The following XPNPEP3 variants were observed in gnomAD, a reference collection of about 807,000 sequenced individuals.
XPNPEP3 encodes xaa-Pro aminopeptidase 3.
XPNPEP3 carries 41 observed loss-of-function variants against 60.0 expected under a neutral mutation model. The observed-to-expected ratio is 0.68, with a 90% CI of 0.53 to 0.89. The LOEUF (loss-of-function observed/expected upper bound fraction) is 0.89, where lower values mean the gene tolerates loss of function less well. Ranked by LOEUF, XPNPEP3 falls within the 40% of genes least tolerant of loss-of-function variation. The probability of loss-of-function intolerance (pLI) is 0.00; values close to 1 mark genes in which losing one functional copy is unlikely to be tolerated. For synonymous variants in XPNPEP3, 212 were observed against 223.2 expected (o/e 0.95, Z 0.45); for missense variants, 598 against 638.9 (o/e 0.94, Z 0.69).
intron 4 of XPNPEP3, among the ~76,000 whole-genome samples, chr22:40,890,432 G>A (rs2058084298): frequency 6.6e-6 from 1 of 151,882 alleles, no homozygotes; most frequent in Non-Finnish European, 1.5e-5. Flanking sequence ...CCAACTGCTT[G>A]GGAGGCTGAG....
chr22:40,874,134 T>C (rs2058018746), intron 2 of XPNPEP3, among the ~76,000 whole-genome samples: 1 of 152,098 alleles, frequency 6.6e-6, no homozygotes, highest in Non-Finnish European at 1.5e-5. Flanking sequence ...ATAACAACTT[T>C]GGGGAGTTAG....
At chr22:40,904,391 G>A (rs1158130648) in intron 4 of XPNPEP3, among the ~76,000 whole-genome samples, 4 of 152,098 alleles carry the variant, frequency 2.6e-5, no homozygotes, top group African/African-American at 7.2e-5. Context: ...AGTCATGACT[G>A]TCCTGGCACA....
At chr22:40,910,599 G>A (rs2058173613) in intron 6 of XPNPEP3, among the ~76,000 whole-genome samples, 1 of 152,084 alleles carries the variant, frequency 6.6e-6, no homozygotes, top group South Asian at 2.1e-4. Context: ...CATTACTTGG[G>A]AGGCTAAGGT....
chr22:40,909,093 T>C lies in XPNPEP3; in HGVS notation c.856-29T>C, dbSNP rs761594824. On this transcript the variant is annotated intron_variant, in intron 5 of 9. Coordinates refer to ENST00000357137, the MANE Select transcript of XPNPEP3 (RefSeq NM_022098.4). ...GCTGGGGCAGCCCTACAGAAACCCT[T>C]TGTCATACCTTGCTGTTGTTTTTCA... 26 of 1,606,358 alleles carry C rather than the reference T, an allele frequency of 1.6e-5. No homozygotes were observed. The African/African-American group carries it at 3.5e-4, about 21-fold the overall frequency.
chr22:40,919,447 T>C (rs954485865), intron 7 of XPNPEP3, among the ~76,000 whole-genome samples: 12 of 152,144 alleles, frequency 7.9e-5, no homozygotes, highest in African/African-American at 2.2e-4. Context: ...CTCAGCTACT[T>C]GGTTGGCTGA....
In XPNPEP3 at chr22:40,922,490, A is replaced by G; in HGVS notation, c.1213A>G (p.Ile405Val). 1 of 1,614,084 alleles carries G rather than the reference A, an allele frequency of 6.2e-7. No individual in the cohort carries two copies. Among genetic ancestry groups the G allele is most frequent in the South Asian group, 1.1e-5 (1 of 91,082 alleles). ...KLKDLGIMKN[I>V]KENNAFKAAR... ...TAAAGACTTGGGGATCATGAAGAAC[A>G]TTAAGGAAAATAATGCCTTCAAGGT... Residue 405 changes from isoleucine (I) to valine (V), a missense_variant, in exon 8 of 10, where the codon ATT becomes GTT. Coordinates refer to ENST00000357137, the MANE Select transcript of XPNPEP3 (RefSeq NM_022098.4).
intron 3 of XPNPEP3, among the ~76,000 whole-genome samples, chr22:40,885,414 T>C (rs1422157596): frequency 1.3e-5 from 2 of 152,186 alleles, no homozygotes; most frequent in African/African-American, 4.8e-5. Context: ...GTCTCTAAAG[T>C]TGAAAGCTGA....
chr22:40,924,305 A>T, intron 8 of XPNPEP3, 57 bp from the exon 9 acceptor site: 1 of 1,611,910 alleles, frequency 6.2e-7, no homozygotes, highest in Admixed American at 1.7e-5. Context: ...ATACTTGCCC[A>T]GCATTCCCTG....
At chr22:40,868,043 A>G (rs1401735047) in intron 1 of XPNPEP3, among the ~76,000 whole-genome samples, 1 of 151,940 alleles carries the variant, frequency 6.6e-6, no homozygotes, top group Non-Finnish European at 1.5e-5. Context: ...CCTCCACTAG[A>G]CTGTGCATTC....
chr22:40,924,568 G>A (rs1421237325), intron 9 of XPNPEP3, 86 bp downstream of exon 9: 12 of 1,559,436 alleles, frequency 7.7e-6, no homozygotes, highest in Non-Finnish European at 1.0e-5. Flanking sequence ...CTTTCGCCCA[G>A]GCTGGAGTGA....
intron 2 of XPNPEP3, among the ~76,000 whole-genome samples, chr22:40,880,026 C>T (rs1359586336): frequency 7.7e-6 from 1 of 130,558 alleles, no homozygotes; most frequent in Non-Finnish European, 1.6e-5. Context: ...GACTCTGTCT[C>T]CCAAAAAAAA....
chr22:40,907,460 G>T, intron 4 of XPNPEP3, 127 bp from the exon 5 acceptor site: 1 of 926,152 alleles, frequency 1.1e-6, no homozygotes, highest in Non-Finnish European at 1.8e-6. Context: ...ACCCCCAGTA[G>T]GTCACAACTT....
chr22:40,895,343 T>C (rs995331993), intron 4 of XPNPEP3, among the ~76,000 whole-genome samples: 1 of 136,796 alleles, frequency 7.3e-6, no homozygotes. Flanking sequence ...TTTTCTTTTC[T>C]TTTTTTTTTT....
rs777657927 is a variant in XPNPEP3, at chr22:40,914,882, C to G, written c.1055+558C>G. ...TAACTATTTAAAGGCACTAGAGATC[C>G]CTTTGTAGCTCATGAGTGTGATGAT... On this transcript the variant is annotated intron_variant, in intron 7 of 9. Coordinates refer to ENST00000357137, the MANE Select transcript of XPNPEP3 (RefSeq NM_022098.4). Among the ~76,000 whole-genome samples the G allele has an allele frequency of 4.6e-5, 7 of 151,702 alleles. 2 individuals carry two copies. In the South Asian group the frequency reaches 1.2e-3, roughly 27 times the overall value.
rs553427776 is a variant in XPNPEP3 at position 40,909,799 on chromosome 22, T to A, written c.969+564T>A. On this transcript the variant is annotated intron_variant, in intron 6 of 9. Transcript: ENST00000357137. ...AAATAAATAAATAAATAAATAAATA[T>A]TTAAATATTTAAATATTTAAAAACC... 2.5e-4 allele frequency among the ~76,000 whole-genome samples: 37 copies of A among 150,858 alleles called. No individual in the cohort carries two copies. The South Asian group carries it at 6.2e-3, about 25-fold the overall frequency.
chr22:40,909,482 A>ATCCAAGCT (rs2058169054), intron 6 of XPNPEP3, among the ~76,000 whole-genome samples: 1 of 152,164 alleles, frequency 6.6e-6, no homozygotes, highest in Non-Finnish European at 1.5e-5. Flanking sequence ...AAAACAACAT[A>ATCCAAGCT]GGCCAGGCAT....
At chr22:40,876,313 C>T (rs1247618721) in intron 2 of XPNPEP3, among the ~76,000 whole-genome samples, 1 of 152,156 alleles carries the variant, frequency 6.6e-6, no homozygotes, top group East Asian at 1.9e-4. Flanking sequence ...CTTCTAAGAT[C>T]CTGCCTGGCT....
intron 4 of XPNPEP3, among the ~76,000 whole-genome samples, chr22:40,899,570 C>T (rs1401357911): frequency 6.6e-6 from 1 of 151,904 alleles, no homozygotes; most frequent in Non-Finnish European, 1.5e-5. Flanking sequence ...ACCTGTAATC[C>T]CAGCATTTTG....
At chr22:40,864,444 G>T (rs1358144574) in intron 1 of XPNPEP3, among the ~76,000 whole-genome samples, 1 of 152,006 alleles carries the variant, frequency 6.6e-6, no homozygotes, top group Non-Finnish European at 1.5e-5. Flanking sequence ...CATTATTATT[G>T]TTACTATTAT....
Sources: allele counts gnomAD v4.1 joint callset (sites outside exome capture counted in the v4.1 genomes callset), GRCh38; gene constraint gnomAD v4.1.1; transcripts MANE v1.5; gene names NCBI Gene and HGNC (gene_info 2026-07-23, HGNC 2026-07-21).